The following OR5H15 variants were observed in gnomAD, a reference collection of about 807,000 sequenced individuals.
OR5H15 encodes olfactory receptor 5H15.
For missense variants in OR5H15, 405 were observed against 366.1 expected, an observed-to-expected ratio of 1.11 and a Z score of -0.87; for synonymous variants, 153 against 129.1, an observed-to-expected ratio of 1.19 and a Z score of -1.26.
chr3:98,168,070 C>T (rs888175022), intron 1 of OR5H15, among the ~76,000 whole-genome samples: 5 of 151,982 alleles, frequency 3.3e-5, no homozygotes, highest in South Asian at 2.1e-4. Flanking sequence ...GAAATAATTT[C>T]TACATTGAAA....
In OR5H15 at chr3:98,169,652, C is replaced by T; in HGVS notation, c.*11C>T. The T allele has an allele frequency of 6.5e-7, 1 of 1,548,644 alleles. No homozygotes were observed. The highest frequency in any genetic ancestry group is 8.9e-7 in the Non-Finnish European group (1 of 1,129,934). ...AAGGTTTCATACTAATATCCTTTTT[C>T]TATTTACTAAAATAGTCACAAAATT... On this transcript the variant is annotated 3_prime_UTR_variant, in exon 2 of 2. Transcript: ENST00000641450.
At position 98,167,116 on chromosome 3, in the gene OR5H15, C is replaced by T. The variant is rs555181564; in HGVS notation, c.-19+285C>T. On this transcript the variant is annotated intron_variant, in intron 1 of 1. Coordinates refer to ENST00000641450, the MANE Select transcript of OR5H15 (RefSeq NM_001005515.2). ...CATTGAACAGCTAAAACTTGGTTTA[C>T]ACATTCACATCATAATGATTCTTAT... Among the ~76,000 whole-genome samples the T allele has an allele frequency of 2.0e-5, 3 of 152,174 alleles. No homozygotes were observed. The South Asian group carries it at 6.2e-4, about 32-fold the overall frequency.
At position 98,169,453 on chromosome 3, in the gene OR5H15, T is replaced by A. The variant is rs781644277; in HGVS notation, c.754T>A (p.Tyr252Asn). Residue 252 changes from tyrosine (Y) to asparagine (N), a missense_variant, in exon 2 of 2, where the codon TAT (tyrosine) becomes AAT (asparagine). By Grantham distance (143) the Tyr-to-Asn change is moderately radical. Transcript: ENST00000641450. ...CCATCTCTTCTCTGTCTGTTTATAC[T>A]ATGGCCCCCTTCTCTTAATGTATGT... The part of the protein sequence containing the change: ...GAHLFSVCLY[Y>N]GPLLLMYVGP... 1.3e-5 allele frequency: 21 copies of A among 1,613,410 alleles called. No individual in the cohort carries two copies. The Admixed American group carries it at 1.3e-4, about 10-fold the overall frequency.
intron 1 of OR5H15, among the ~76,000 whole-genome samples, chr3:98,167,317 G>A (rs1708733503): frequency 1.3e-5 from 2 of 152,002 alleles, no homozygotes; most frequent in South Asian, 4.2e-4. Context: ...GTTGCATTAA[G>A]TAGAGTCCTG....
intron 1 of OR5H15, among the ~76,000 whole-genome samples, chr3:98,167,100 GC>G (rs1483918309): frequency 1.3e-5 from 2 of 152,020 alleles, no homozygotes; most frequent in Non-Finnish European, 2.9e-5. Context: ...GCATTGAACA[GC>G]TAAAACTTGG....
chr3:98,168,773 T>TA lies in OR5H15; in HGVS notation c.75dup (p.Pro26ThrfsTer59). 1 of 1,613,390 alleles carries TA rather than the reference T, an allele frequency of 6.2e-7. No individual in the cohort carries two copies. Among genetic ancestry groups the TA allele is most frequent in the Non-Finnish European group, 8.5e-7 (1 of 1,179,524 alleles). On this transcript the variant is annotated frameshift_variant, in exon 2 of 2. Coordinates refer to ENST00000641450, the MANE Select transcript of OR5H15 (RefSeq NM_001005515.2). LOFTEE classifies it low-confidence loss of function (END_TRUNC). The stretch of plus-strand genomic sequence containing the variant: ...TTTTTATATCAACCACAGTGGAAAA[T>TA]ACCCCTGTTCTTGGCATTCTTGGTA...
rs368546821 is a variant in OR5H15, at chr3:98,169,131, A to G, written c.432A>G (p.Leu144=). 2.5e-6 allele frequency: 4 copies of G among 1,613,480 alleles called. No individual in the cohort carries two copies. The highest frequency in any genetic ancestry group is 2.7e-5 in the African/African-American group (2 of 74,904). ...AIMTNGLCIR[L]LILSYIAGIL... is the part of the protein sequence containing the mutation. The stretch of plus-strand genomic sequence containing the variant: ...TGACCAATGGACTGTGCATCCGGCT[A>G]TTAATCTTGTCATATATAGCTGGTA... Residue 144 remains leucine (L), a synonymous_variant, in exon 2 of 2, where the codon CTA becomes CTG. Coordinates refer to ENST00000641450, the MANE Select transcript of OR5H15 (RefSeq NM_001005515.2).
chr3:98,169,295 T>G lies in OR5H15; in HGVS notation c.596T>G (p.Val199Gly). The change falls in exon 2 of 2, where the codon GTT (valine) becomes GGT (glycine). Residue 199 changes from valine to glycine, a missense_variant. Transcript: ENST00000641450. ...CTDSSINFLMVFIFSGSIQVF... is the reference protein window; with the variant it reads ...CTDSSINFLMGFIFSGSIQVF... ...GATTCTTCTATTAATTTTCTAATGG[T>G]TTTTATTTTCTCAGGTTCAATTCAG... The G allele has an allele frequency of 6.2e-7, 1 of 1,610,624 alleles. No homozygotes were observed. Among genetic ancestry groups the G allele is most frequent in the Non-Finnish European group, 8.5e-7 (1 of 1,177,832 alleles).
In OR5H15 at chr3:98,169,557, T is replaced by C. The variant is rs373574547; in HGVS notation, c.858T>C (p.Asn286=). 3 of 1,612,204 alleles carry C rather than the reference T, an allele frequency of 1.9e-6. No individual in the cohort carries two copies. Among genetic ancestry groups the C allele is most frequent in the Non-Finnish European group, 2.5e-6 (3 of 1,178,476 alleles). ...ACACTGTCATCATTCCTTTGTTAAA[T>C]CCTATCATCTACAGTCTGAGAAATA... is the stretch of plus-strand genomic sequence containing the variant. The part of the protein sequence containing the change: ...LFYTVIIPLL[N]PIIYSLRNKQ... Residue 286 remains asparagine, a synonymous_variant, in exon 2 of 2, where the codon AAT becomes AAC. Coordinates refer to ENST00000641450, the MANE Select transcript of OR5H15 (RefSeq NM_001005515.2).
At position 98,168,975 on chromosome 3, in the gene OR5H15, A is replaced by G; in HGVS notation, c.276A>G (p.Ile92Met). 2 of 1,613,594 alleles carry G rather than the reference A, an allele frequency of 1.2e-6. No homozygotes were observed. The highest frequency in any genetic ancestry group is 1.7e-6 in the Non-Finnish European group (2 of 1,179,622). The stretch of plus-strand genomic sequence containing the variant: ...ACTTCTTAGCTAAGAGTAAGATGAT[A>G]TCTCTCTCTGAATGCAAGATACAAT... ...LNNFLAKSKM[I>M]SLSECKIQFF... The change falls in exon 2 of 2, where the codon ATA becomes ATG. Residue 92 changes from isoleucine (I) to methionine (M), a missense_variant. Transcript: ENST00000641450.
chr3:98,168,644 T>G (rs1708754101), intron 1 of OR5H15, 38 bp from the exon 2 acceptor site: 1 of 1,588,758 alleles, frequency 6.3e-7, no homozygotes, highest in Admixed American at 1.7e-5. Context: ...ATAATGTCAT[T>G]GCAAATCTTC....
At chr3:98,167,335 C>T (rs1260912130) in intron 1 of OR5H15, among the ~76,000 whole-genome samples, 3 of 151,790 alleles carry the variant, frequency 2.0e-5, no homozygotes, top group African/African-American at 7.3e-5. Flanking sequence ...CTGGTATGTC[C>T]ACCTTGATTA....
chr3:98,167,479 A>G (rs1336104992), intron 1 of OR5H15, among the ~76,000 whole-genome samples: 2 of 151,826 alleles, frequency 1.3e-5, no homozygotes, highest in Admixed American at 6.6e-5. Flanking sequence ...GAAGAATGGG[A>G]AAATGAGTTT....
chr3:98,167,954 T>C (rs917495395), intron 1 of OR5H15, among the ~76,000 whole-genome samples: 2 of 152,168 alleles, frequency 1.3e-5, no homozygotes, highest in East Asian at 3.9e-4. Context: ...ATTTATTTGT[T>C]TTACCATCTC....
At position 98,169,234 on chromosome 3, in the gene OR5H15, T is replaced by G. The variant is rs1194459976; in HGVS notation, c.535T>G (p.Cys179Gly). ...CNSNIVHHIY[C>G]DTIPLSKISC... is the part of the protein sequence containing the mutation. ...CTCCAACATAGTACATCACATTTAC[T>G]GTGACACTATCCCATTGTCTAAGAT... Residue 179 changes from cysteine to glycine, a missense_variant, in exon 2 of 2, where the codon TGT becomes GGT. Cys to Gly is a radical substitution (Grantham distance 159, BLOSUM62 -3). Coordinates refer to ENST00000641450, the MANE Select transcript of OR5H15 (RefSeq NM_001005515.2). 13 of 1,611,946 alleles carry G rather than the reference T, an allele frequency of 8.1e-6. No homozygotes were observed. Among genetic ancestry groups the G allele is most frequent in the Non-Finnish European group, 1.1e-5 (13 of 1,178,538 alleles).
chr3:98,169,200 C>T lies in OR5H15; in HGVS notation c.501C>T (p.Thr167=), dbSNP rs769167482. 1.2e-6 allele frequency: 2 copies of T among 1,612,690 alleles called. No individual in the cohort carries two copies. Among genetic ancestry groups the T allele is most frequent in the African/African-American group, 1.3e-5 (1 of 74,856 alleles). Residue 167 remains threonine, a synonymous_variant, in exon 2 of 2, where the codon ACC becomes ACT. Transcript: ENST00000641450. ...LIHEGFLFRL[T]FCNSNIVHHI... ...ATGAAGGATTTTTATTCAGACTAAC[C>T]TTCTGTAACTCCAACATAGTACATC...
At position 98,169,347 on chromosome 3, in the gene OR5H15, A is replaced by G. The variant is rs1173935173; in HGVS notation, c.648A>G (p.Ile216Met). ...TATTCAGCATTGTGACTATTCTTAT[A>G]TCTTACACATTTGTTCTCTTCACAG... Reference protein sequence around the residue: ...IQVFSIVTILISYTFVLFTVL... With the variant: ...IQVFSIVTILMSYTFVLFTVL... The change falls in exon 2 of 2, where the codon ATA becomes ATG. Residue 216 changes from isoleucine (I) to methionine (M), a missense_variant. Coordinates refer to ENST00000641450, the MANE Select transcript of OR5H15 (RefSeq NM_001005515.2). 9 of 1,613,070 alleles carry G rather than the reference A, an allele frequency of 5.6e-6. No homozygotes were observed. Among genetic ancestry groups the G allele is most frequent in the Non-Finnish European group, 7.6e-6 (9 of 1,179,372 alleles).
At chr3:98,167,309 T>C (rs1227033294) in intron 1 of OR5H15, among the ~76,000 whole-genome samples, 1 of 152,096 alleles carries the variant, frequency 6.6e-6, no homozygotes, top group African/African-American at 2.4e-5. Context: ...GAATAAAGGT[T>C]GCATTAAGTA....
intron 1 of OR5H15, among the ~76,000 whole-genome samples, chr3:98,167,641 A>G (rs1250134176): frequency 6.6e-6 from 1 of 151,948 alleles, no homozygotes; most frequent in African/African-American, 2.4e-5. Flanking sequence ...TTTTCTTGCC[A>G]TCTTTTTTGT....
Sources: allele counts gnomAD v4.1 joint callset (sites outside exome capture counted in the v4.1 genomes callset), GRCh38; gene constraint gnomAD v4.1.1; transcripts MANE v1.5; gene names NCBI Gene and HGNC (gene_info 2026-07-23, HGNC 2026-07-21).